TAX1BP1: variants seen among roughly 807,000 people sequenced by gnomAD.
The protein encoded by TAX1BP1 is tax1-binding protein 1.
A neutral mutation model predicts 97.7 loss-of-function variants in TAX1BP1; 62 were observed. The observed-to-expected ratio is 0.63, with a 90% CI of 0.52 to 0.78. The LOEUF is 0.78. Ranked by LOEUF, TAX1BP1 falls within the 30% of genes least tolerant of loss-of-function variation. The pLI is 0.00. For missense variants in TAX1BP1, 867 were observed against 916.1 expected (o/e 0.95, Z 0.69); for synonymous variants, 340 against 304.2 (o/e 1.12, Z -1.23).
intron 13 of TAX1BP1, among the ~76,000 whole-genome samples, chr7:27,814,268 A>G (rs1790678510): frequency 6.6e-6 from 1 of 152,204 alleles, no homozygotes; most frequent in South Asian, 2.1e-4. Context: ...TGTTCTAAAT[A>G]TATCTCCTAT....
chr7:27,785,794 C>G (rs114989648), intron 7 of TAX1BP1, among the ~76,000 whole-genome samples: 2,000 of 152,278 alleles, frequency 0.013, 41 homozygotes, highest in African/African-American at 0.046. Context: ...TAGCTTCTCT[C>G]AGAGTGAGTG....
At chr7:27,768,086 A>AT (rs1463484689) in intron 4 of TAX1BP1, among the ~76,000 whole-genome samples, 4 of 151,938 alleles carry the variant, frequency 2.6e-5, no homozygotes, top group African/African-American at 7.2e-5. Flanking sequence ...ACTATGGCCT[A>AT]TTGGAGGATA....
At chr7:27,797,587 TA>T (rs988286925) in intron 12 of TAX1BP1, among the ~76,000 whole-genome samples, 1 of 152,130 alleles carries the variant, frequency 6.6e-6, no homozygotes, top group Non-Finnish European at 1.5e-5. Context: ...AGTAATTATT[TA>T]AAATATTTTG....
intron 1 of TAX1BP1, among the ~76,000 whole-genome samples, chr7:27,741,780 T>G (rs1787615856): frequency 1.3e-5 from 2 of 152,174 alleles, no homozygotes; most frequent in Non-Finnish European, 2.9e-5. Context: ...GGAACCAGCG[T>G]TCAGCATATG....
At chr7:27,775,164 T>C (rs1403589491) in intron 5 of TAX1BP1, among the ~76,000 whole-genome samples, 1 of 152,068 alleles carries the variant, frequency 6.6e-6, no homozygotes, top group African/African-American at 2.4e-5. Flanking sequence ...AGGAAAAAAA[T>C]AATCCAAGTA....
intron 5 of TAX1BP1, among the ~76,000 whole-genome samples, chr7:27,777,548 C>G (rs775710791): frequency 3.3e-5 from 5 of 152,118 alleles, no homozygotes; most frequent in Non-Finnish European, 5.9e-5. Flanking sequence ...GTGATTCTTT[C>G]TCCAGCCTGG....
intron 1 of TAX1BP1, among the ~76,000 whole-genome samples, chr7:27,746,051 A>G (rs1787803192): frequency 6.7e-6 from 1 of 150,306 alleles, no homozygotes; most frequent in Non-Finnish European, 1.5e-5. Flanking sequence ...TGAGGTTAAC[A>G]GAAGTTGAAA....
chr7:27,816,361 A>G lies in TAX1BP1; in HGVS notation c.1777A>G (p.Ser593Gly). 1 of 1,575,450 alleles carries G rather than the reference A, an allele frequency of 6.3e-7. No homozygotes were observed. The highest frequency in any genetic ancestry group is 8.6e-7 in the Non-Finnish European group (1 of 1,168,902). ...TTGTTAATTTTAGGAACTTAAAAGG[A>G]GTCTAGAAAATCCAGCAGAAAGGAA... is the stretch of plus-strand genomic sequence containing the variant. The part of the protein sequence containing the change: ...VQDNYKELKR[S>G]LENPAERKME... The change falls in exon 14 of 17, where the codon AGT (serine) becomes GGT (glycine). Residue 593 changes from serine (S) to glycine (G), a missense_variant. Around this residue, in one of 3 missense-constraint regions of TAX1BP1, gnomAD observed 822 missense variants for 851.4 expected, o/e 0.97. Transcript: ENST00000396319.
intron 2 of TAX1BP1, among the ~76,000 whole-genome samples, chr7:27,754,758 T>A (rs533541509): frequency 2.3e-4 from 35 of 152,154 alleles, no homozygotes; most frequent in African/African-American, 8.2e-4. Context: ...AATTTTTTTT[T>A]ATTTTTAGTA....
In TAX1BP1 at chr7:27,780,470, A is replaced by G. The variant is rs189780410; in HGVS notation, c.613-4693A>G. Among the ~76,000 whole-genome samples, 308 of 152,326 alleles carry G rather than the reference A, an allele frequency of 2.0e-3. 1 individual carries two copies. Among genetic ancestry groups the G allele is most frequent in the African/African-American group, 7.2e-3 (299 of 41,584 alleles). On this transcript the variant is annotated intron_variant, in intron 5 of 16. Transcript: ENST00000396319. ...TCTTAGGCCATGTGCTCATCAAATG[A>G]GAATGTATTATACATAAAGCACATA...
intron 4 of TAX1BP1, 133 bp from the exon 5 acceptor site, chr7:27,769,543 A>T (rs1354344749): frequency 1.5e-6 from 1 of 678,416 alleles, no homozygotes; most frequent in Non-Finnish European, 2.4e-6. Context: ...TGATTGATAT[A>T]AAGTAGGTAG....
chr7:27,774,277 A>G (rs1788946269), intron 5 of TAX1BP1, among the ~76,000 whole-genome samples: 1 of 152,128 alleles, frequency 6.6e-6, no homozygotes, highest in African/African-American at 2.4e-5. Context: ...CATATACTGC[A>G]AAGAACAACT....
In TAX1BP1 at chr7:27,817,277, A is replaced by T. The variant is rs150750037; in HGVS notation, c.2085+239A>T. ...TTATACTTTAGGATTTATATACTAA[A>T]GTAAAAGATTAAGTTTAGAGAATAA... On this transcript the variant is annotated intron_variant, in intron 15 of 16. Transcript: ENST00000396319. 4.9e-4 allele frequency among the ~76,000 whole-genome samples: 74 copies of T among 152,358 alleles called. 1 individual carries two copies. In the East Asian group the frequency reaches 0.014, roughly 28 times the overall value.
chr7:27,747,386 C>G (rs1485422547), intron 1 of TAX1BP1, among the ~76,000 whole-genome samples: 1 of 152,098 alleles, frequency 6.6e-6, no homozygotes, highest in African/African-American at 2.4e-5. Context: ...GTTTACTAAG[C>G]CAGTGAGCGT....
At chr7:27,785,548 T>A (rs1475717820) in intron 7 of TAX1BP1, 59 bp downstream of exon 7, 1 of 1,429,134 alleles carries the variant, frequency 7.0e-7, no homozygotes, top group African/African-American at 1.4e-5. Flanking sequence ...ACCCCAGAAC[T>A]TAGGGGCTGT....
At chr7:27,814,111 T>C (rs1403863101) in intron 13 of TAX1BP1, among the ~76,000 whole-genome samples, 3 of 147,550 alleles carry the variant, frequency 2.0e-5, no homozygotes, top group African/African-American at 7.8e-5. Flanking sequence ...TTTTTTTTTC[T>C]TTTTTTTGAA....
chr7:27,754,438 A>G (rs1208005477), intron 2 of TAX1BP1, among the ~76,000 whole-genome samples: 1 of 149,764 alleles, frequency 6.7e-6, no homozygotes, highest in African/African-American at 2.4e-5. Flanking sequence ...TATAAAATTA[A>G]AATGTCCTAC....
At chr7:27,807,853 T>A (rs1043536950) in intron 13 of TAX1BP1, among the ~76,000 whole-genome samples, 1 of 152,186 alleles carries the variant, frequency 6.6e-6, no homozygotes, top group African/African-American at 2.4e-5. Flanking sequence ...CATTGATATT[T>A]ATCATTGTAG....
At chr7:27,814,034 G>T (rs536323542) in intron 13 of TAX1BP1, among the ~76,000 whole-genome samples, 49 of 150,846 alleles carry the variant, frequency 3.2e-4, no homozygotes, top group Non-Finnish European at 5.7e-4. Context: ...AACTCCTCAT[G>T]ATCCGCCCGC....
Sources: gnomAD v4.1 joint callset for allele counts (sites outside exome capture counted in the v4.1 genomes callset) on GRCh38, gnomAD v4.1.1 for gene constraint, gnomAD v4.1.1 regional missense constraint, MANE v1.5 for transcripts, NCBI Gene and HGNC (gene_info 2026-07-23, HGNC 2026-07-21) for gene names.